Variants in UGT8 observed in about 807,000 individuals in gnomAD.
UGT8 encodes the protein UDP glycosyltransferase 8, also known as 2-hydroxyacylsphingosine 1-beta-galactosyltransferase.
In UGT8, 12 loss-of-function variants were observed where a neutral mutation model predicts 40.5. The observed-to-expected ratio is 0.30, with a 90% CI of 0.19 to 0.48. UGT8 has a LOEUF of 0.48. Ranked by LOEUF, UGT8 falls within the 20% of genes least tolerant of loss-of-function variation. The pLI is 0.99. For synonymous variants in UGT8, 224 were observed against 240.4 expected (o/e 0.93, Z 0.63); for missense variants, 513 against 648.7 (o/e 0.79, Z 2.27).
intron 2 of UGT8, among the ~76,000 whole-genome samples, chr4:114,627,650 C>T (rs1251016261): frequency 6.6e-6 from 1 of 151,978 alleles, no homozygotes; most frequent in Non-Finnish European, 1.5e-5. Context: ...GCAGATAATC[C>T]ACCAAAGAAT....
At chr4:114,659,984 AC>A (rs1734416931) in intron 2 of UGT8, among the ~76,000 whole-genome samples, 1 of 152,230 alleles carries the variant, frequency 6.6e-6, no homozygotes, top group Non-Finnish European at 1.5e-5. Context: ...TGTTGACAAG[AC>A]TGGCTAACCA....
At chr4:114,671,644 C>A (rs1188536065) in intron 5 of UGT8, among the ~76,000 whole-genome samples, 7 of 152,070 alleles carry the variant, frequency 4.6e-5, no homozygotes, top group Non-Finnish European at 7.4e-5. Context: ...TGAAACTGGA[C>A]CCCTTCCTTA....
chr4:114,676,077 A>AT lies in UGT8; in HGVS notation c.1421dup (p.Leu474PhefsTer36). The stretch of plus-strand genomic sequence containing the variant: ...GTCCATCAGATCTCCTTTTGTCAGT[A>AT]TTTTTTACTGGATATTGCCTTTGTG... On this transcript the variant is annotated frameshift_variant, in exon 6 of 6. Coordinates refer to ENST00000310836, the MANE Select transcript of UGT8 (RefSeq NM_001128174.3). LOFTEE classifies it high-confidence loss of function. 1 of 1,614,008 alleles carries AT rather than the reference A, an allele frequency of 6.2e-7. No individual in the cohort carries two copies. Among genetic ancestry groups the AT allele is most frequent in the Admixed American group, 1.7e-5 (1 of 60,010 alleles).
intron 2 of UGT8, among the ~76,000 whole-genome samples, chr4:114,644,871 T>C (rs1733465041): frequency 6.6e-6 from 1 of 152,166 alleles, no homozygotes; most frequent in Non-Finnish European, 1.5e-5. Context: ...TCTTAAGTTA[T>C]CATTCTTAGG....
intron 1 of UGT8, among the ~76,000 whole-genome samples, chr4:114,613,968 T>C (rs1167982883): frequency 1.3e-5 from 2 of 152,354 alleles, no homozygotes. Context: ...TACAAGGTAC[T>C]GAGTGCAGTC....
At chr4:114,611,462 A>G (rs1220823875) in intron 1 of UGT8, among the ~76,000 whole-genome samples, 1 of 138,998 alleles carries the variant, frequency 7.2e-6, no homozygotes, top group East Asian at 2.1e-4. Context: ...ACACACAGAG[A>G]TATTAGATAT....
chr4:114,648,699 G>A (rs1052950438), intron 2 of UGT8, among the ~76,000 whole-genome samples: 2 of 152,090 alleles, frequency 1.3e-5, no homozygotes, highest in East Asian at 1.9e-4. Flanking sequence ...TACCAGTTGC[G>A]AAATTGGTTA....
At chr4:114,626,585 T>C (rs1335955933) in intron 2 of UGT8, among the ~76,000 whole-genome samples, 1 of 152,246 alleles carries the variant, frequency 6.6e-6, no homozygotes, top group Non-Finnish European at 1.5e-5. Context: ...CTTTTATTTA[T>C]TCTTTCCTTT....
At chr4:114,635,015 T>G (rs1732802387) in intron 2 of UGT8, among the ~76,000 whole-genome samples, 1 of 151,660 alleles carries the variant, frequency 6.6e-6, no homozygotes, top group Admixed American at 6.6e-5. Context: ...TTACAATTTG[T>G]GTACTAGTGA....
chr4:114,676,309 A>G lies in UGT8; in HGVS notation c.*21A>G, dbSNP rs1464223282. Reference sequence around the variant, plus strand: ...AATGAGCCAACAGCCCAGGTGATAGAAATAAATTGGTTCACTCATTGAATT... The same window carrying G: ...AATGAGCCAACAGCCCAGGTGATAGGAATAAATTGGTTCACTCATTGAATT... On this transcript the variant is annotated 3_prime_UTR_variant, in exon 6 of 6. Coordinates refer to ENST00000310836, the MANE Select transcript of UGT8 (RefSeq NM_001128174.3). 4 of 1,535,992 alleles carry G rather than the reference A, an allele frequency of 2.6e-6. No homozygotes were observed. Among genetic ancestry groups the G allele is most frequent in the Non-Finnish European group, 2.6e-6 (3 of 1,144,318 alleles).
At chr4:114,608,561 A>C (rs529185935) in intron 1 of UGT8, among the ~76,000 whole-genome samples, 28 of 152,268 alleles carry the variant, frequency 1.8e-4, no homozygotes, top group African/African-American at 6.7e-4. Flanking sequence ...TAGGAACAAC[A>C]TATCTTATAG....
intron 2 of UGT8, among the ~76,000 whole-genome samples, chr4:114,645,770 G>A (rs532655569): frequency 6.6e-6 from 1 of 152,218 alleles, no homozygotes; most frequent in Admixed American, 6.5e-5. Flanking sequence ...TTTGTGCCTT[G>A]ATATGATACA....
At chr4:114,645,484 G>A (rs1733513688) in intron 2 of UGT8, among the ~76,000 whole-genome samples, 1 of 152,012 alleles carries the variant, frequency 6.6e-6, no homozygotes. Context: ...ACACTATAGA[G>A]TTAATTTTTT....
chr4:114,601,393 T>C (rs1284689447), intron 1 of UGT8, among the ~76,000 whole-genome samples: 2 of 152,176 alleles, frequency 1.3e-5, no homozygotes, highest in Non-Finnish European at 2.9e-5. Context: ...ATAATATCAA[T>C]TTGTTGCTTT....
At chr4:114,600,782 A>T (rs1292438841) in intron 1 of UGT8, among the ~76,000 whole-genome samples, 1 of 152,052 alleles carries the variant, frequency 6.6e-6, no homozygotes, top group Non-Finnish European at 1.5e-5. Flanking sequence ...TAGCCAGCTT[A>T]GTTTTCTCCT....
intron 2 of UGT8, among the ~76,000 whole-genome samples, chr4:114,652,396 ATT>A (rs33928530): frequency 4.9e-5 from 7 of 144,150 alleles, no homozygotes; most frequent in African/African-American, 1.0e-4. Context: ...TCTCATGGGT[ATT>A]TTTTTTTTTT....
At chr4:114,656,773 GT>G in intron 2 of UGT8, 1 of 523,286 alleles carries the variant, frequency 1.9e-6, no homozygotes, top group Non-Finnish European at 3.9e-6. Context: ...GGAGTGAAGA[GT>G]AGATAAAATA....
At chr4:114,606,077 C>T (rs946583446) in intron 1 of UGT8, among the ~76,000 whole-genome samples, 7 of 152,016 alleles carry the variant, frequency 4.6e-5, no homozygotes, top group African/African-American at 1.7e-4. Context: ...TTTAATTAAG[C>T]AGATACACAC....
Position 114,638,668 on chromosome 4 carries a change from C to T in UGT8, c.822+14966C>T, listed in dbSNP as rs74341026. Among the ~76,000 whole-genome samples, 540 of 152,316 alleles carry T rather than the reference C, an allele frequency of 3.5e-3. 20 individuals carry two copies. In the East Asian group the frequency reaches 0.095, roughly 27 times the overall value. On this transcript the variant is annotated intron_variant, in intron 2 of 5. Coordinates refer to ENST00000310836, the MANE Select transcript of UGT8 (RefSeq NM_001128174.3). ...AGCTCCTTCCTCCTAACATGACTGA[C>T]ATTTTAGGTCATTCTGATCTTTGGT...
Sources: allele counts gnomAD v4.1 joint callset (sites outside exome capture counted in the v4.1 genomes callset), GRCh38; gene constraint gnomAD v4.1.1; transcripts MANE v1.5; gene names NCBI Gene and HGNC (gene_info 2026-07-23, HGNC 2026-07-21).